Variants in ZSCAN5A observed in about 807,000 individuals in gnomAD.
ZSCAN5A encodes the protein zinc finger and SCAN domain-containing protein 5A.
ZSCAN5A carries 12 observed loss-of-function variants against 23.7 expected under a neutral mutation model. That is an observed-to-expected ratio of 0.51 (90% CI 0.32 to 0.82). ZSCAN5A has a LOEUF of 0.82. ZSCAN5A is among the 40% of genes least tolerant of loss of function. The pLI, the probability that ZSCAN5A is intolerant of heterozygous loss-of-function variation, is 0.03. For synonymous variants in ZSCAN5A, 257 were observed against 239.9 expected, an observed-to-expected ratio of 1.07 and a Z score of -0.66; for missense variants, 597 against 617.9, an observed-to-expected ratio of 0.97 and a Z score of 0.36.
At chr19:56,322,577 T>C (rs1450431816) in intron 2 of ZSCAN5A, among the ~76,000 whole-genome samples, 1 of 152,250 alleles carries the variant, frequency 6.6e-6, no homozygotes, top group Non-Finnish European at 1.5e-5. Flanking sequence ...TCTCTGTCTC[T>C]ATCTCATGTA....
chr19:56,308,862 C>T (rs961482560), intron 2 of ZSCAN5A, among the ~76,000 whole-genome samples: 6 of 152,272 alleles, frequency 3.9e-5, no homozygotes, highest in Admixed American at 2.6e-4. Flanking sequence ...TTCAACCATA[C>T]ATTAAAGCAC....
At chr19:56,285,026 T>C in intron 2 of ZSCAN5A, 1 of 985,326 alleles carries the variant, frequency 1.0e-6, no homozygotes, top group Non-Finnish European at 1.2e-6. Flanking sequence ...CACCGGATGG[T>C]AAGTGTCAGG....
chr19:56,311,306 T>C (rs1344507785), intron 2 of ZSCAN5A, among the ~76,000 whole-genome samples: 1 of 152,248 alleles, frequency 6.6e-6, no homozygotes, highest in Non-Finnish European at 1.5e-5. Context: ...CTTTATCACA[T>C]CTTTCCCACT....
intron 2 of ZSCAN5A, among the ~76,000 whole-genome samples, chr19:56,304,071 A>G (rs1296273936): frequency 6.6e-6 from 1 of 152,114 alleles, no homozygotes; most frequent in Non-Finnish European, 1.5e-5. Context: ...ATCCCTTCTG[A>G]GTTATCAAAG....
intron 2 of ZSCAN5A, among the ~76,000 whole-genome samples, chr19:56,260,813 C>T (rs2037073740): frequency 6.6e-6 from 1 of 152,166 alleles, no homozygotes. Flanking sequence ...AGATATTTTT[C>T]TTTTAATTTA....
intron 2 of ZSCAN5A, among the ~76,000 whole-genome samples, chr19:56,259,794 C>T (rs937392882): frequency 2.0e-5 from 3 of 152,116 alleles, no homozygotes; most frequent in East Asian, 1.9e-4. Flanking sequence ...GGCAATGTAA[C>T]GAAACCCCAT....
chr19:56,344,859 C>A (rs889101539), intron 2 of ZSCAN5A, among the ~76,000 whole-genome samples: 1 of 136,746 alleles, frequency 7.3e-6, no homozygotes, highest in African/African-American at 2.8e-5. Flanking sequence ...GCCGAGATTG[C>A]GCCACTGCAG....
intron 2 of ZSCAN5A, among the ~76,000 whole-genome samples, chr19:56,324,399 G>A (rs1394680782): frequency 6.6e-6 from 1 of 152,068 alleles, no homozygotes; most frequent in African/African-American, 2.4e-5. Context: ...TTCAACATCA[G>A]CACATCAGGG....
chr19:56,350,774 A>G (rs1000392732), intron 2 of ZSCAN5A, among the ~76,000 whole-genome samples: 2 of 152,188 alleles, frequency 1.3e-5, no homozygotes, highest in Non-Finnish European at 1.5e-5. Flanking sequence ...CTAACCCTAC[A>G]TTTTAAATCT....
chr19:56,302,590 T>C (rs2040387526), intron 2 of ZSCAN5A, among the ~76,000 whole-genome samples: 1 of 34,214 alleles, frequency 2.9e-5, no homozygotes, highest in Non-Finnish European at 4.7e-5. Context: ...CCCCTTTTCT[T>C]CCTCTCCCTC....
intron 2 of ZSCAN5A, among the ~76,000 whole-genome samples, chr19:56,295,568 C>G (rs1016966742): frequency 6.6e-5 from 10 of 152,114 alleles, no homozygotes; most frequent in African/African-American, 2.2e-4. Flanking sequence ...GCACCCCAGT[C>G]TGGGCAACAG....
At chr19:56,246,258 T>C (rs1042536242) in intron 2 of ZSCAN5A, 1 of 248,046 alleles carries the variant, frequency 4.0e-6, no homozygotes, top group African/African-American at 2.3e-5. Flanking sequence ...GGGACAGTGA[T>C]GTCCATGACC....
Position 56,222,330 on chromosome 19 carries a change from G to C in ZSCAN5A, c.740-4C>G. On this transcript the variant is annotated splice_polypyrimidine_tract_variant and splice_region_variant and intron_variant, in intron 5 of 5. Coordinates refer to ENST00000683990, the MANE Select transcript of ZSCAN5A (RefSeq NM_001322064.3). The stretch of plus-strand genomic sequence containing the variant: ...TCCTTTGCTCTCACCAGATCTGCTG[G>C]AAGAAGGGATTCCACACACACAGTT... 6.2e-7 allele frequency: 1 copy of C among 1,609,716 alleles called. No homozygotes were observed. The highest frequency in any genetic ancestry group is 8.5e-7 in the Non-Finnish European group (1 of 1,179,298).
chr19:56,367,473 A>G (rs2041777788), intron 1 of ZSCAN5A: 1 of 152,230 alleles, frequency 6.6e-6, no homozygotes, highest in Non-Finnish European at 1.5e-5. Context: ...GCCTCCTCCA[A>G]TTTACTTTTC....
intron 2 of ZSCAN5A, among the ~76,000 whole-genome samples, chr19:56,301,183 G>C (rs759416504): frequency 2.0e-5 from 3 of 152,212 alleles, no homozygotes; most frequent in Admixed American, 6.5e-5. Flanking sequence ...AGGAATAAAA[G>C]ACTGGCTACT....
rs772728170 is a variant in ZSCAN5A at position 56,221,581 on chromosome 19, A to T, written c.1485T>A (p.Ser495=). The change falls in exon 6 of 6, where the codon TCT becomes TCA. Residue 495 remains serine (S), a synonymous_variant. Transcript: ENST00000683990. ...RHQKTHPEAT[S]Q is the part of the protein sequence containing the mutation. ...CATAGACCGGATTATGCAATCACTG[A>T]GAAGTAGCTTCTGGATGTGTTTTCT... is the stretch of plus-strand genomic sequence containing the variant. 3.7e-5 allele frequency: 59 copies of T among 1,593,416 alleles called. No individual in the cohort carries two copies. Among genetic ancestry groups the T allele is most frequent in the South Asian group, 1.2e-4 (11 of 88,490 alleles).
intron 2 of ZSCAN5A, among the ~76,000 whole-genome samples, chr19:56,229,677 G>C (rs967869580): frequency 6.6e-6 from 1 of 152,130 alleles, no homozygotes; most frequent in Admixed American, 6.5e-5. Context: ...AGACCGCATC[G>C]AATCTGCTGA....
chr19:56,251,196 C>G lies in ZSCAN5A; in HGVS notation c.-127-26023G>C, dbSNP rs998727126. Among the ~76,000 whole-genome samples, 11 of 150,696 alleles carry G rather than the reference C, an allele frequency of 7.3e-5. No individual in the cohort carries two copies. The East Asian group carries it at 1.6e-3, about 21-fold the overall frequency. ...ACTGATGACCCTTGTGACTGTCAGT[C>G]TCTGTTACCCTCCGTACTTCAGGAA... On this transcript the variant is annotated intron_variant, in intron 2 of 5. Transcript: ENST00000683990.
At chr19:56,328,375 G>A (rs1487808025) in intron 2 of ZSCAN5A, among the ~76,000 whole-genome samples, 1 of 152,120 alleles carries the variant, frequency 6.6e-6, no homozygotes, top group Non-Finnish European at 1.5e-5. Flanking sequence ...GCCAGGCGCA[G>A]TGGCTCATGC....
Sources: gnomAD v4.1 joint callset for allele counts (sites outside exome capture counted in the v4.1 genomes callset) on GRCh38, gnomAD v4.1.1 for gene constraint, MANE v1.5 for transcripts, NCBI Gene and HGNC (gene_info 2026-07-23, HGNC 2026-07-21) for gene names.